Variants in STK32C observed in about 807,000 individuals in gnomAD.
STK32C encodes the protein serine/threonine kinase 32C, also known as serine/threonine-protein kinase 32C.
STK32C carries 31 observed loss-of-function variants against 56.5 expected under a neutral mutation model. The observed-to-expected ratio is 0.55, with a 90% CI of 0.41 to 0.74. STK32C has a LOEUF of 0.74. Among genes scored for constraint, STK32C ranks in the 30% least tolerant of loss-of-function variants. The probability of loss-of-function intolerance (pLI) is 0.00; values close to 1 mark genes in which losing one functional copy is unlikely to be tolerated. For synonymous variants in STK32C, 309 were observed against 289.4 expected, an observed-to-expected ratio of 1.07 and a Z score of -0.69; for missense variants, 544 against 676.9, an observed-to-expected ratio of 0.80 and a Z score of 2.18.
intron 10 of STK32C, among the ~76,000 whole-genome samples, chr10:132,222,323 G>A (rs879395342): frequency 2.6e-5 from 4 of 151,612 alleles, no homozygotes; most frequent in Non-Finnish European, 5.9e-5. Context: ...CTGGGCGAGT[G>A]TGAGGGCTTC....
At chr10:132,292,481 G>A (rs1481687621) in intron 1 of STK32C, among the ~76,000 whole-genome samples, 1 of 152,214 alleles carries the variant, frequency 6.6e-6, no homozygotes, top group Non-Finnish European at 1.5e-5. Flanking sequence ...ATTCATGCAT[G>A]CACACACATT....
In STK32C at chr10:132,225,612, A is replaced by G; in HGVS notation, c.687T>C (p.His229=). Residue 229 remains histidine, a synonymous_variant, in exon 6 of 12, where the codon CAT becomes CAC. Coordinates refer to ENST00000298630, the MANE Select transcript of STK32C (RefSeq NM_173575.4). The part of the protein sequence containing the change: ...PDNILLDERG[H]AHLTDFNIAT... ...CAATGTTGAAGTCGGTCAGGTGTGCATGTCCTGTGCAGAGAGGGGTCAGGT... is the reference window on the plus strand; with the variant it reads ...CAATGTTGAAGTCGGTCAGGTGTGCGTGTCCTGTGCAGAGAGGGGTCAGGT... The G allele has an allele frequency of 6.2e-7, 1 of 1,612,826 alleles. No individual in the cohort carries two copies. Among genetic ancestry groups the G allele is most frequent in the Non-Finnish European group, 8.5e-7 (1 of 1,179,248 alleles).
chr10:132,261,771 A>G (rs2138072158), intron 1 of STK32C, among the ~76,000 whole-genome samples: 2 of 152,324 alleles, frequency 1.3e-5, no homozygotes, highest in East Asian at 3.9e-4. Context: ...TCTCAAAAAA[A>G]TAAAATAAAA....
At chr10:132,234,045 G>A (rs1163897985) in intron 2 of STK32C, among the ~76,000 whole-genome samples, 1 of 152,166 alleles carries the variant, frequency 6.6e-6, no homozygotes, top group Non-Finnish European at 1.5e-5. Context: ...TGGGATTCTT[G>A]GCTATCTTCA....
Position 132,324,121 on chromosome 10 carries a change from A to C in STK32C, c.*113T>G, listed in dbSNP as rs1001169591. 6 of 657,798 alleles carry C rather than the reference A, an allele frequency of 9.1e-6. No homozygotes were observed. In the African/African-American group the frequency reaches 1.1e-4, roughly 12 times the overall value. The allele number at this position is 657,798 out of a possible 1,614,324, so 40.7% of individuals were successfully genotyped here. ...CATATGAATTCCAGGGACCCACTCC[A>C]ATCACAGCAGCTGGGAAAATGGAGG... On this transcript the variant is annotated 3_prime_UTR_variant, in exon 2 of 2. Transcript: ENST00000368619.
At position 132,222,998 on chromosome 10, in the gene STK32C, C is replaced by A. The variant is rs535577703; in HGVS notation, c.994-12G>T. 5 of 1,546,928 alleles carry A rather than the reference C, an allele frequency of 3.2e-6. 1 individual carries two copies. In the South Asian group the frequency reaches 4.7e-5, roughly 15 times the overall value. On this transcript the variant is annotated splice_polypyrimidine_tract_variant and intron_variant, in intron 8 of 11. Coordinates refer to ENST00000298630, the MANE Select transcript of STK32C (RefSeq NM_173575.4). ...TTCACAGTGAGGAGCTGCAACCAGG[C>A]ATGAGTCAGAGGGTCCAGGGCCCAC...
chr10:132,243,068 G>A (rs931004777), intron 2 of STK32C, among the ~76,000 whole-genome samples: 7 of 152,192 alleles, frequency 4.6e-5, no homozygotes, highest in Non-Finnish European at 8.8e-5. Context: ...GCACCCCCCA[G>A]CCAAGCCTGG....
At chr10:132,313,023 GA>G (rs2066249346) in intron 1 of STK32C, among the ~76,000 whole-genome samples, 1 of 152,208 alleles carries the variant, frequency 6.6e-6, no homozygotes, top group African/African-American at 2.4e-5. Context: ...CTGGGCGACA[GA>G]GCGAGACTCT....
intron 10 of STK32C, among the ~76,000 whole-genome samples, chr10:132,218,502 G>A (rs924803784): frequency 5.9e-5 from 9 of 151,988 alleles, no homozygotes; most frequent in African/African-American, 2.2e-4. Context: ...CACAATCACT[G>A]CACACTAAGA....
intron 1 of STK32C, among the ~76,000 whole-genome samples, chr10:132,325,055 T>C (rs1378160341): frequency 6.6e-6 from 1 of 152,184 alleles, no homozygotes; most frequent in Non-Finnish European, 1.5e-5. Context: ...TGAAGTCTCA[T>C]TGGTGGCTAC....
chr10:132,303,228 T>C (rs372733959), intron 1 of STK32C, among the ~76,000 whole-genome samples: 4 of 152,202 alleles, frequency 2.6e-5, no homozygotes, highest in African/African-American at 9.6e-5. Context: ...AGAGGAGAAC[T>C]AATGCGAGAA....
At chr10:132,276,597 C>T (rs948938974) in intron 1 of STK32C, among the ~76,000 whole-genome samples, 10 of 150,696 alleles carry the variant, frequency 6.6e-5, no homozygotes, top group African/African-American at 2.5e-4. Context: ...GCCTGGATAA[C>T]ACAGCAAGAC....
At chr10:132,296,186 G>C (rs1274933668) in intron 1 of STK32C, among the ~76,000 whole-genome samples, 1 of 151,216 alleles carries the variant, frequency 6.6e-6, no homozygotes, top group Non-Finnish European at 1.5e-5. Flanking sequence ...CCAGTTAAAG[G>C]ACATTTTACA....
chr10:132,317,669 G>A (rs973539065), intron 1 of STK32C, among the ~76,000 whole-genome samples: 2 of 152,140 alleles, frequency 1.3e-5, no homozygotes, highest in African/African-American at 4.8e-5. Context: ...CAAGGCTACA[G>A]TGAGTCAGGA....
chr10:132,277,855 A>C, intron 1 of STK32C, among the ~76,000 whole-genome samples: 1 of 148,342 alleles, frequency 6.7e-6, no homozygotes, highest in Non-Finnish European at 1.5e-5. Flanking sequence ...CACCCTCCCG[A>C]CCTCTCCTTC....
chr10:132,304,302 C>G (rs1320970715), intron 1 of STK32C, among the ~76,000 whole-genome samples: 1 of 151,920 alleles, frequency 6.6e-6, no homozygotes, highest in Non-Finnish European at 1.5e-5. Context: ...AAAAAAAAAG[C>G]CTGAGCCCCT....
intron 1 of STK32C, among the ~76,000 whole-genome samples, chr10:132,270,857 ACACCTGGTGAGGACC>A (rs1191156183): frequency 6.6e-6 from 1 of 151,948 alleles, no homozygotes; most frequent in Non-Finnish European, 1.5e-5. Flanking sequence ...ATCCATCAAC[ACACCTGGTGAGGACC>A]CACCTGTGGC....
intron 1 of STK32C, among the ~76,000 whole-genome samples, chr10:132,299,560 C>A (rs1406402179): frequency 2.0e-5 from 3 of 152,274 alleles, no homozygotes; most frequent in African/African-American, 7.2e-5. Flanking sequence ...GCCCGCAGCT[C>A]TCTGAGCCGC....
chr10:132,225,862 G>A, intron 4 of STK32C, 78 bp from the exon 5 acceptor site: 1 of 1,586,786 alleles, frequency 6.3e-7, no homozygotes, highest in Non-Finnish European at 8.6e-7. Flanking sequence ...ACAATCCCTG[G>A]AGTCCCCAGG....
Sources: allele counts gnomAD v4.1 joint callset (sites outside exome capture counted in the v4.1 genomes callset), GRCh38; gene constraint gnomAD v4.1.1; transcripts MANE v1.5; gene names NCBI Gene and HGNC (gene_info 2026-07-23, HGNC 2026-07-21).